GAREM1: variants seen among roughly 807,000 people sequenced by gnomAD.
GAREM1 encodes GRB2-associated and regulator of MAPK protein 1.
In GAREM1, 26 loss-of-function variants were observed where a neutral mutation model predicts 71.3. The observed-to-expected ratio is 0.36, with a 90% CI of 0.27 to 0.51. The LOEUF (loss-of-function observed/expected upper bound fraction) is 0.51. Among genes scored for constraint, GAREM1 ranks in the 20% least tolerant of loss-of-function variants. GAREM1 has a pLI of 0.95. For synonymous variants in GAREM1, 440 were observed against 433.2 expected, an observed-to-expected ratio of 1.02 and a Z score of -0.20; for missense variants, 1,026 against 1,103.1, an observed-to-expected ratio of 0.93 and a Z score of 0.99.
rs1403690914 is a variant in GAREM1, at chr18:32,287,007, C to T, written c.1566+24G>A. 6.6e-7 allele frequency: 1 copy of T among 1,525,998 alleles called. No individual in the cohort carries two copies. The highest frequency in any genetic ancestry group is 9.1e-7 in the Non-Finnish European group (1 of 1,104,310). The allele number at this position is 1,525,998 out of a possible 1,614,324, so 94.5% of individuals were successfully genotyped here. Reference sequence around the variant, plus strand: ...CAGAGAGACAGAAAGACTGGCACCGCATTCAAAAACAGAAATGACTTACGG... The same window carrying T: ...CAGAGAGACAGAAAGACTGGCACCGTATTCAAAAACAGAAATGACTTACGG... On this transcript the variant is annotated intron_variant, in intron 4 of 5. Coordinates refer to ENST00000269209, the MANE Select transcript of GAREM1 (RefSeq NM_001242409.2). The surrounding 1 kb of genome is among the most constrained non-coding windows in gnomAD (Gnocchi z 5.9).
intron 2 of GAREM1, among the ~76,000 whole-genome samples, chr18:32,365,915 G>A (rs2047925146): frequency 1.3e-5 from 2 of 152,146 alleles, no homozygotes; most frequent in Non-Finnish European, 2.9e-5. Flanking sequence ...AGGATTTATA[G>A]AAGTGCAGGT....
At chr18:32,291,138 G>A (rs1341061254) in intron 3 of GAREM1, among the ~76,000 whole-genome samples, 2 of 151,742 alleles carry the variant, frequency 1.3e-5, no homozygotes, top group African/African-American at 2.4e-5. Flanking sequence ...CACACTTCCT[G>A]GTACTATGCA....
chr18:32,368,996 A>G (rs2144623323), intron 2 of GAREM1, among the ~76,000 whole-genome samples: 1 of 152,370 alleles, frequency 6.6e-6, no homozygotes, highest in African/African-American at 2.4e-5. Context: ...TGATCTCAAC[A>G]GTACACCTAT....
chr18:32,379,693 A>G (rs2048075092), intron 2 of GAREM1, among the ~76,000 whole-genome samples: 1 of 151,482 alleles, frequency 6.6e-6, no homozygotes, highest in Admixed American at 6.6e-5. Context: ...TGACAGAACG[A>G]GACTTGGTCT....
chr18:32,468,456 A>C (rs1482714844), intron 1 of GAREM1, among the ~76,000 whole-genome samples: 1 of 152,234 alleles, frequency 6.6e-6, no homozygotes, highest in African/African-American at 2.4e-5. Context: ...AGCGGCAATA[A>C]GGAAATAAGA....
chr18:32,325,122 C>G (rs1210573808), intron 2 of GAREM1, among the ~76,000 whole-genome samples: 1 of 152,084 alleles, frequency 6.6e-6, no homozygotes, highest in Non-Finnish European at 1.5e-5. Context: ...CCATGCCCAG[C>G]TAATTTTTGT....
At chr18:32,269,683 G>A (rs889130482) in intron 5 of GAREM1, among the ~76,000 whole-genome samples, 1 of 151,996 alleles carries the variant, frequency 6.6e-6, no homozygotes, top group Non-Finnish European at 1.5e-5. Context: ...TTAAGTATTG[G>A]TACTTGCCAA....
At chr18:32,311,582 T>C (rs577793338) in intron 2 of GAREM1, among the ~76,000 whole-genome samples, 6 of 152,176 alleles carry the variant, frequency 3.9e-5, no homozygotes, top group Non-Finnish European at 7.4e-5. Flanking sequence ...ATTGCTGAGA[T>C]GGTGACCTTT....
At chr18:32,283,452 C>T (rs920715026) in intron 4 of GAREM1, among the ~76,000 whole-genome samples, 1 of 152,078 alleles carries the variant, frequency 6.6e-6, no homozygotes, top group African/African-American at 2.4e-5. Context: ...GAGACTGAGG[C>T]ATGAGAATCA....
chr18:32,304,616 G>T (rs1207416846), intron 3 of GAREM1, among the ~76,000 whole-genome samples: 3 of 152,178 alleles, frequency 2.0e-5, no homozygotes, highest in African/African-American at 4.8e-5. Flanking sequence ...CAGGCAGCTT[G>T]CCCGCCTCCT....
chr18:32,353,643 AG>A (rs1378482539), intron 2 of GAREM1, among the ~76,000 whole-genome samples: 2 of 152,236 alleles, frequency 1.3e-5, no homozygotes, highest in African/African-American at 2.4e-5. Flanking sequence ...AAGAATAAGG[AG>A]ACAAAGATGA....
At chr18:32,289,931 T>C (rs1598934064) in intron 3 of GAREM1, among the ~76,000 whole-genome samples, 1 of 152,246 alleles carries the variant, frequency 6.6e-6, no homozygotes, top group Middle Eastern at 3.4e-3. Context: ...TCCTAACCAC[T>C]AGCCCAACAG....
At chr18:32,289,570 T>C (rs1254517208) in intron 3 of GAREM1, among the ~76,000 whole-genome samples, 1 of 152,200 alleles carries the variant, frequency 6.6e-6, no homozygotes, top group Non-Finnish European at 1.5e-5. Context: ...TTAAAGTTGT[T>C]TTTTTTAAAA....
chr18:32,436,108 T>C (rs369955482), intron 1 of GAREM1, among the ~76,000 whole-genome samples: 1 of 152,054 alleles, frequency 6.6e-6, no homozygotes, highest in African/African-American at 2.4e-5. Context: ...TGAGTAAAAA[T>C]ATGTGAATAA....
rs370728475 is a variant in GAREM1 at position 32,382,817 on chromosome 18, T to C, written c.262+10078A>G. On this transcript the variant is annotated intron_variant, in intron 2 of 5. Transcript: ENST00000269209. The stretch of plus-strand genomic sequence containing the variant: ...AGGATCAACAAGACTCGCTGCATAA[T>C]TACTCTGTGGGTCAGGAGGAAAGGA... Among the ~76,000 whole-genome samples the C allele has an allele frequency of 3.3e-5, 5 of 152,004 alleles. No individual in the cohort carries two copies. In the East Asian group the frequency reaches 5.8e-4, roughly 18 times the overall value.
At chr18:32,442,193 T>C (rs752900899) in intron 1 of GAREM1, among the ~76,000 whole-genome samples, 1 of 152,198 alleles carries the variant, frequency 6.6e-6, no homozygotes, top group Non-Finnish European at 1.5e-5. Context: ...CACTGCCTGT[T>C]ATATCTCAAC....
chr18:32,341,349 G>A (rs1390179425), intron 2 of GAREM1, among the ~76,000 whole-genome samples: 1 of 152,190 alleles, frequency 6.6e-6, no homozygotes, highest in East Asian at 1.9e-4. Context: ...CGGTGTATAT[G>A]TGCCACATTT....
At chr18:32,447,952 T>C (rs922090352) in intron 1 of GAREM1, among the ~76,000 whole-genome samples, 2 of 152,198 alleles carry the variant, frequency 1.3e-5, no homozygotes, top group Non-Finnish European at 2.9e-5. Flanking sequence ...TATCCAATAA[T>C]TCAGTTGGCA....
chr18:32,295,419 A>G (rs1231335019), intron 3 of GAREM1, among the ~76,000 whole-genome samples: 3 of 152,162 alleles, frequency 2.0e-5, no homozygotes, highest in Admixed American at 2.0e-4. Context: ...ACTGGCCTAC[A>G]GTTTTATTAT....
Sources: allele counts gnomAD v4.1 joint callset (sites outside exome capture counted in the v4.1 genomes callset), GRCh38; gene constraint gnomAD v4.1.1; non-coding constraint Gnocchi (gnomAD v3.1); transcripts MANE v1.5; gene names NCBI Gene and HGNC (gene_info 2026-07-23, HGNC 2026-07-21).